The following CARMIL1 variants were observed in gnomAD, a reference collection of about 807,000 sequenced individuals.
The protein encoded by CARMIL1 is capping protein regulator and myosin 1 linker 1.
Under a neutral mutation model 177.1 loss-of-function variants are expected in CARMIL1, and 90 were observed. The ratio of observed to expected loss-of-function variants is 0.51; its 90% CI spans 0.43 to 0.61. CARMIL1 has a LOEUF of 0.61. Ranked by LOEUF, CARMIL1 falls within the 20% of genes least tolerant of loss-of-function variation. The probability of loss-of-function intolerance (pLI) is 0.00; values close to 1 mark genes in which losing one functional copy is unlikely to be tolerated. For missense variants in CARMIL1, 1,380 were observed against 1,667.0 expected (o/e 0.83, Z 3.00); for synonymous variants, 577 against 606.2 (o/e 0.95, Z 0.71).
chr6:25,419,976 G>A (rs546564587), intron 2 of CARMIL1, 138 bp from the exon 3 acceptor site: 19 of 689,676 alleles, frequency 2.8e-5, no homozygotes, highest in African/African-American at 1.1e-4. Context: ...GTCCCAGCTC[G>A]TAATTCTTCT....
chr6:25,482,728 T>C (rs894249942), intron 12 of CARMIL1, among the ~76,000 whole-genome samples: 4 of 152,184 alleles, frequency 2.6e-5, no homozygotes, highest in African/African-American at 9.7e-5. Flanking sequence ...CAGAAAACTG[T>C]TGGGCTTAAC....
chr6:25,312,843 G>T (rs998202431), intron 2 of CARMIL1, among the ~76,000 whole-genome samples: 4 of 148,120 alleles, frequency 2.7e-5, no homozygotes, highest in African/African-American at 7.4e-5. Context: ...ACAGCTGGCA[G>T]ATCTCTATAA....
At chr6:25,433,294 C>T (rs1017415210) in intron 4 of CARMIL1, 2 of 152,114 alleles carry the variant, frequency 1.3e-5, no homozygotes, top group East Asian at 1.9e-4. Flanking sequence ...ACTAATTACT[C>T]GCACCCAAAC....
chr6:25,450,194 C>G, intron 6 of CARMIL1, 145 bp from the exon 7 acceptor site: 1 of 725,148 alleles, frequency 1.4e-6, no homozygotes, highest in Middle Eastern at 2.4e-4. Context: ...TACTATAGAA[C>G]AGGGAGGAGA....
chr6:25,346,266 G>A (rs893233809), intron 2 of CARMIL1, among the ~76,000 whole-genome samples: 3 of 152,122 alleles, frequency 2.0e-5, no homozygotes, highest in Non-Finnish European at 2.9e-5. Flanking sequence ...TTGCTTCCTT[G>A]TTTCCCCCTC....
chr6:25,563,631 G>T (rs527295044), intron 29 of CARMIL1: 1 of 985,236 alleles, frequency 1.0e-6, no homozygotes, highest in Non-Finnish European at 1.2e-6. Context: ...AGGCTAGATG[G>T]CCATTCATTT....
chr6:25,330,602 G>A (rs949273860), intron 2 of CARMIL1, among the ~76,000 whole-genome samples: 2 of 151,890 alleles, frequency 1.3e-5, no homozygotes, highest in Non-Finnish European at 2.9e-5. Context: ...CACTTTCTCA[G>A]GCTGAGGCAG....
At chr6:25,363,425 C>T (rs1789442127) in intron 2 of CARMIL1, among the ~76,000 whole-genome samples, 1 of 152,014 alleles carries the variant, frequency 6.6e-6, no homozygotes, top group African/African-American at 2.4e-5. Context: ...TTTTAGAGGG[C>T]TCTTTTATTT....
chr6:25,472,728 CAAAAG>C (rs1261555886), intron 11 of CARMIL1: 4 of 541,954 alleles, frequency 7.4e-6, no homozygotes, highest in Non-Finnish European at 1.3e-5. Flanking sequence ...TGAAGTGAAA[CAAAAG>C]GAAAGGAAGA....
intron 31 of CARMIL1, among the ~76,000 whole-genome samples, chr6:25,590,588 G>A (rs1327029364): frequency 6.6e-6 from 1 of 150,674 alleles, no homozygotes; most frequent in Non-Finnish European, 1.5e-5. Flanking sequence ...ATGCCATCTG[G>A]GCCCTAAGTG....
intron 2 of CARMIL1, among the ~76,000 whole-genome samples, chr6:25,299,503 G>A (rs1184534770): frequency 1.3e-5 from 2 of 151,922 alleles, no homozygotes; most frequent in East Asian, 3.9e-4. Flanking sequence ...AGGCTGTGCT[G>A]GACTCTCACC....
chr6:25,346,568 G>C (rs55935768), intron 2 of CARMIL1, among the ~76,000 whole-genome samples: 6,916 of 152,222 alleles, frequency 0.045, 223 homozygotes, highest in Middle Eastern at 0.11. Context: ...TATATGTTTT[G>C]TTGATTTATC....
intron 20 of CARMIL1, among the ~76,000 whole-genome samples, chr6:25,514,443 A>C (rs1027799872): frequency 2.0e-5 from 3 of 150,086 alleles, no homozygotes; most frequent in African/African-American, 7.3e-5. Context: ...GCTACTCGGT[A>C]GGCTGAGGCA....
At chr6:25,505,525 TC>T (rs970109241) in intron 17 of CARMIL1, among the ~76,000 whole-genome samples, 195 of 152,242 alleles carry the variant, frequency 1.3e-3, no homozygotes, top group African/African-American at 4.4e-3. Flanking sequence ...CAATCTTGGC[TC>T]ACTGCAACCT....
At chr6:25,615,269 A>G (rs1187732039) in intron 36 of CARMIL1, among the ~76,000 whole-genome samples, 1 of 152,246 alleles carries the variant, frequency 6.6e-6, no homozygotes, top group Admixed American at 6.5e-5. Context: ...GTATGTATTC[A>G]TGAAACAAAC....
intron 22 of CARMIL1, 73 bp downstream of exon 22, chr6:25,517,488 G>A: frequency 8.5e-7 from 1 of 1,171,834 alleles, no homozygotes; most frequent in Non-Finnish European, 1.3e-6. Flanking sequence ...TTACCTGTTG[G>A]GTAATAGAAT....
At position 25,298,503 on chromosome 6, in the gene CARMIL1, G is replaced by A. The variant is rs78904078; in HGVS notation, c.138+13594G>A. Reference sequence around the variant, plus strand: ...GTTCAAGTTCAGTGTTGAGAAATTTGTCTCTGAGGACAACGCTGTGCATTT... The same window carrying A: ...GTTCAAGTTCAGTGTTGAGAAATTTATCTCTGAGGACAACGCTGTGCATTT... On this transcript the variant is annotated intron_variant, in intron 2 of 36. Transcript: ENST00000329474. Among the ~76,000 whole-genome samples the A allele has an allele frequency of 8.9e-3, 1,354 of 152,248 alleles. 50 individuals are homozygous for A. The East Asian group carries it at 0.091, about 10-fold the overall frequency.
At chr6:25,614,862 A>G (rs148765251) in intron 36 of CARMIL1, among the ~76,000 whole-genome samples, 1 of 152,320 alleles carries the variant, frequency 6.6e-6, no homozygotes, top group East Asian at 1.9e-4. Flanking sequence ...GCAAGAAGAG[A>G]TTCTATATCT....
intron 2 of CARMIL1, among the ~76,000 whole-genome samples, chr6:25,340,866 A>G (rs1451264599): frequency 6.7e-6 from 1 of 148,226 alleles, no homozygotes; most frequent in Non-Finnish European, 1.5e-5. Context: ...GGAGTTAGGA[A>G]ATTCTGAGAT....
Sources: allele counts gnomAD v4.1 joint callset (sites outside exome capture counted in the v4.1 genomes callset), GRCh38; gene constraint gnomAD v4.1.1; transcripts MANE v1.5; gene names NCBI Gene and HGNC (gene_info 2026-07-23, HGNC 2026-07-21).